Variants in TRIM24 observed in about 807,000 individuals in gnomAD.
TRIM24 encodes transcription intermediary factor 1-alpha.
In TRIM24, 29 loss-of-function variants were observed where a neutral mutation model predicts 123.9. The observed-to-expected ratio is 0.23, with a 90% CI of 0.17 to 0.32. The LOEUF is 0.32. Among genes scored for constraint, TRIM24 ranks in the 10% least tolerant of loss-of-function variants. The pLI is 1.00. For synonymous variants in TRIM24, 456 were observed against 461.1 expected, an observed-to-expected ratio of 0.99 and a Z score of 0.14; for missense variants, 932 against 1,295.3, an observed-to-expected ratio of 0.72 and a Z score of 4.31.
At position 138,525,338 on chromosome 7, in the gene TRIM24, G is replaced by T; in HGVS notation, c.862G>T (p.Gly288Ter). 6.6e-7 allele frequency: 1 copy of T among 1,515,786 alleles called. No individual in the cohort carries two copies. Among genetic ancestry groups the T allele is most frequent in the African/African-American group, 1.4e-5 (1 of 70,032 alleles). 93.9% of individuals were successfully genotyped at this position (1,515,786 alleles called of 1,614,324 possible). Reference protein sequence around the residue: ...MEKTKYIKFTGNQIQNRIIEV... With the variant: ...MEKTKYIKFT ...AAAAACAAAATACATAAAATTCACA[G>T]GAAATCAGATCCAAAACAGGTAATT... Residue 288 changes from glycine to a stop codon, truncating the protein, a stop_gained, in exon 5 of 19, where the codon GGA (glycine) becomes TGA (stop). Coordinates refer to ENST00000343526, the MANE Select transcript of TRIM24 (RefSeq NM_015905.3). LOFTEE classifies it high-confidence loss of function.
Position 138,477,436 on chromosome 7 carries a change from A to G in TRIM24, c.364+16524A>G, listed in dbSNP as rs375017818. 1.1e-4 allele frequency among the ~76,000 whole-genome samples: 17 copies of G among 152,336 alleles called. 1 individual carries two copies. The East Asian group carries it at 3.1e-3, about 28-fold the overall frequency. On this transcript the variant is annotated intron_variant, in intron 1 of 18. Coordinates refer to ENST00000343526, the MANE Select transcript of TRIM24 (RefSeq NM_015905.3). ...TCTGTAAATGTAACTGGTTCACAGT[A>G]TTGACTTTGGAACTATGTAAATGTT...
chr7:138,524,975 G>A (rs950874053), intron 4 of TRIM24, among the ~76,000 whole-genome samples: 2 of 152,112 alleles, frequency 1.3e-5, no homozygotes, highest in Non-Finnish European at 2.9e-5. Flanking sequence ...TCCACCAAGT[G>A]AAAGTGAACT....
intron 9 of TRIM24, among the ~76,000 whole-genome samples, chr7:138,566,159 G>A (rs1449936456): frequency 6.6e-6 from 1 of 152,104 alleles, no homozygotes; most frequent in Non-Finnish European, 1.5e-5. Context: ...AGCCTCATTT[G>A]TGATTCCTTC....
chr7:138,513,547 G>A (rs1339556116), intron 2 of TRIM24, among the ~76,000 whole-genome samples: 4 of 152,060 alleles, frequency 2.6e-5, no homozygotes, highest in African/African-American at 4.8e-5. Flanking sequence ...CACATGGCTG[G>A]AGCAGGGGCA....
chr7:138,461,072 G>T, intron 1 of TRIM24, 160 bp downstream of exon 1: 1 of 829,042 alleles, frequency 1.2e-6, no homozygotes, highest in East Asian at 2.8e-5. Context: ...GACATGGAGG[G>T]CCCGCGCTCT....
At chr7:138,577,329 T>C (rs1048140497) in intron 13 of TRIM24, 91 bp from the exon 14 acceptor site, 5 of 1,021,376 alleles carry the variant, frequency 4.9e-6, no homozygotes, top group Non-Finnish European at 6.9e-6. Context: ...GTTGTGAAGA[T>C]ACAGTATTTT....
intron 1 of TRIM24, among the ~76,000 whole-genome samples, chr7:138,471,717 T>G (rs1795276475): frequency 6.6e-6 from 1 of 151,992 alleles, no homozygotes; most frequent in Admixed American, 6.6e-5. Flanking sequence ...ATTTTTGTAT[T>G]TTTAGTAGAG....
intron 1 of TRIM24, among the ~76,000 whole-genome samples, chr7:138,471,967 T>C (rs1795281475): frequency 6.6e-6 from 1 of 152,084 alleles, no homozygotes; most frequent in Non-Finnish European, 1.5e-5. Flanking sequence ...AAGGCAGCAG[T>C]GTTTTACAGG....
At chr7:138,477,059 CTGTG>C (rs34377824) in intron 1 of TRIM24, among the ~76,000 whole-genome samples, 7 of 151,762 alleles carry the variant, frequency 4.6e-5, no homozygotes, top group African/African-American at 1.4e-4. Flanking sequence ...CTTTGTGTCT[CTGTG>C]TGTGTGTGTG....
At chr7:138,509,701 CAAAAAAAAA>C (rs538243079) in intron 2 of TRIM24, among the ~76,000 whole-genome samples, 3 of 67,880 alleles carry the variant, frequency 4.4e-5, no homozygotes, top group Non-Finnish European at 8.5e-5. Flanking sequence ...GACTCTGTCT[CAAAAAAAAA>C]AAAAAAAAAA....
chr7:138,586,136 C>T lies in TRIM24; in HGVS notation c.*1185C>T, dbSNP rs1798015135. 1 of 344,308 alleles carries T rather than the reference C, an allele frequency of 2.9e-6. No individual in the cohort carries two copies. Among genetic ancestry groups the T allele is most frequent in the African/African-American group, 2.1e-5 (1 of 46,652 alleles). 21.3% of individuals were successfully genotyped at this position (344,308 alleles called of 1,614,324 possible). On this transcript the variant is annotated 3_prime_UTR_variant, in exon 19 of 19. Transcript: ENST00000343526. ...GTACAAAAGACTTATCTTCTGAGGA[C>T]AAGCATATTCTTAATGTGCCAGACC...
intron 15 of TRIM24, among the ~76,000 whole-genome samples, chr7:138,579,973 G>C (rs1054324583): frequency 7.9e-5 from 12 of 152,042 alleles, no homozygotes; most frequent in African/African-American, 2.9e-4. Flanking sequence ...ATTATCACAA[G>C]GGATCATCAT....
At chr7:138,582,494 A>G (rs2116695160) in intron 17 of TRIM24, among the ~76,000 whole-genome samples, 1 of 151,410 alleles carries the variant, frequency 6.6e-6, no homozygotes, top group East Asian at 1.9e-4. Context: ...GTGAGCCGAG[A>G]TCATGCCACT....
chr7:138,560,235 A>G (rs1797398455), intron 9 of TRIM24, among the ~76,000 whole-genome samples: 1 of 152,132 alleles, frequency 6.6e-6, no homozygotes, highest in Admixed American at 6.5e-5. Flanking sequence ...GGCTATGTGT[A>G]ACTTCCATTT....
At chr7:138,580,834 C>A in intron 16 of TRIM24, 140 bp downstream of exon 16, 2 of 758,066 alleles carry the variant, frequency 2.6e-6, no homozygotes, top group South Asian at 4.0e-5. Context: ...TACAAAGGTA[C>A]ATGAATCTTA....
chr7:138,569,392 A>G (rs1039613129), intron 10 of TRIM24, among the ~76,000 whole-genome samples: 1 of 152,248 alleles, frequency 6.6e-6, no homozygotes, highest in Non-Finnish European at 1.5e-5. Flanking sequence ...GATGAGTTTA[A>G]CAAATTAGAG....
chr7:138,508,466 C>T (rs1796196000), intron 2 of TRIM24, among the ~76,000 whole-genome samples: 1 of 151,998 alleles, frequency 6.6e-6, no homozygotes, highest in Admixed American at 6.6e-5. Flanking sequence ...AAAATAGTGA[C>T]ATTTTTATTC....
chr7:138,584,168 T>C (rs1183553463), intron 18 of TRIM24, among the ~76,000 whole-genome samples, 169 bp downstream of exon 18: 3 of 152,250 alleles, frequency 2.0e-5, no homozygotes, highest in Non-Finnish European at 4.4e-5. Context: ...TCCACATTTA[T>C]ATTCAAAGGT....
At chr7:138,469,116 A>G (rs1276507001) in intron 1 of TRIM24, among the ~76,000 whole-genome samples, 2 of 152,302 alleles carry the variant, frequency 1.3e-5, no homozygotes, top group African/African-American at 4.8e-5. Context: ...TCTCAGTACT[A>G]GTTACTCTAT....
Sources: allele counts gnomAD v4.1 joint callset (sites outside exome capture counted in the v4.1 genomes callset), GRCh38; gene constraint gnomAD v4.1.1; transcripts MANE v1.5; gene names NCBI Gene and HGNC (gene_info 2026-07-23, HGNC 2026-07-21).